Variants in PACRG observed in about 807,000 individuals in gnomAD.
PACRG encodes the protein parkin coregulated gene protein.
In PACRG, 29 loss-of-function variants were observed where a neutral mutation model predicts 29.7. That is an observed-to-expected ratio of 0.98 (90% CI 0.73 to 1.33). PACRG has a LOEUF of 1.33. Ranked by LOEUF, PACRG falls within the 40% of genes most tolerant of loss-of-function variation. PACRG has a pLI of 0.00. For missense variants in PACRG, 279 were observed against 316.2 expected, an observed-to-expected ratio of 0.88 and a Z score of 0.89; for synonymous variants, 116 against 118.7, an observed-to-expected ratio of 0.98 and a Z score of 0.15.
At chr6:163,225,808 C>T (rs1208472231) in intron 4 of PACRG, among the ~76,000 whole-genome samples, 3 of 152,168 alleles carry the variant, frequency 2.0e-5, no homozygotes, top group African/African-American at 4.8e-5. Context: ...TGGAATCAAC[C>T]TAAGTGTCCA....
chr6:162,756,593 T>G (rs78111578), intron 1 of PACRG, among the ~76,000 whole-genome samples: 1,657 of 152,252 alleles, frequency 0.011, 34 homozygotes, highest in African/African-American at 0.038. Flanking sequence ...TTTAAAAATT[T>G]ATTTAGATTC....
intron 2 of PACRG, among the ~76,000 whole-genome samples, chr6:162,869,324 G>A (rs1792596639): frequency 6.6e-6 from 1 of 152,090 alleles, no homozygotes; most frequent in African/African-American, 2.4e-5. Flanking sequence ...GTCTGCAAAA[G>A]GCTGAAATTT....
chr6:163,058,758 G>A (rs1810825189), intron 2 of PACRG, among the ~76,000 whole-genome samples: 1 of 152,172 alleles, frequency 6.6e-6, no homozygotes, highest in African/African-American at 2.4e-5. Context: ...AATTTAGCCA[G>A]GCGTGGTGGC....
intron 2 of PACRG, among the ~76,000 whole-genome samples, chr6:162,954,974 GC>G: frequency 6.6e-6 from 1 of 152,158 alleles, no homozygotes. Flanking sequence ...CAAACCAGTT[GC>G]AGACCAACAG....
intron 4 of PACRG, among the ~76,000 whole-genome samples, chr6:163,114,155 C>T (rs1193717782): frequency 2.6e-5 from 4 of 152,138 alleles, no homozygotes; most frequent in Non-Finnish European, 5.9e-5. Flanking sequence ...GTGGCTGAGG[C>T]ACAAGAATTG....
chr6:162,917,954 C>T (rs1291533111), intron 2 of PACRG, among the ~76,000 whole-genome samples: 1 of 152,152 alleles, frequency 6.6e-6, no homozygotes, highest in Admixed American at 6.5e-5. Context: ...AATGTGTTTA[C>T]AAGGTGCAAA....
chr6:162,764,003 T>C (rs1782583478), intron 1 of PACRG, among the ~76,000 whole-genome samples: 1 of 152,176 alleles, frequency 6.6e-6, no homozygotes, highest in Non-Finnish European at 1.5e-5. Context: ...AGGCCCGGCA[T>C]GGTGGCTCAC....
intron 4 of PACRG, among the ~76,000 whole-genome samples, chr6:163,118,945 A>G (rs919612111): frequency 6.6e-6 from 1 of 152,232 alleles, no homozygotes; most frequent in African/African-American, 2.4e-5. Flanking sequence ...GATATTTTCA[A>G]TGACCCATTC....
chr6:163,310,177 A>G (rs1319976559), intron 4 of PACRG: 1 of 152,324 alleles, frequency 6.6e-6, no homozygotes, highest in East Asian at 1.9e-4. Context: ...TGAGCCTCGC[A>G]GTGGCCGTCA....
chr6:163,291,216 GTCCCCTCTGCCCGCC>G (rs1784593017), intron 4 of PACRG, among the ~76,000 whole-genome samples: 5 of 130,516 alleles, frequency 3.8e-5, no homozygotes, highest in Admixed American at 7.4e-5. Context: ...CCTGCAAGAT[GTCCCCTCTGCCCGCC>G]AGAGCTGGCC....
chr6:163,048,536 G>A (rs1025102403), intron 2 of PACRG, among the ~76,000 whole-genome samples: 11 of 152,022 alleles, frequency 7.2e-5, no homozygotes, highest in Non-Finnish European at 1.2e-4. Flanking sequence ...AGGTTATGTC[G>A]GCCTCGGTGA....
At chr6:163,061,268 T>C (rs941876985) in intron 2 of PACRG, among the ~76,000 whole-genome samples, 1 of 152,188 alleles carries the variant, frequency 6.6e-6, no homozygotes, top group African/African-American at 2.4e-5. Flanking sequence ...CTCTGCCGCC[T>C]TGCTGGCAGT....
intron 2 of PACRG, among the ~76,000 whole-genome samples, chr6:162,935,886 G>T (rs1424236195): frequency 6.6e-6 from 1 of 152,082 alleles, no homozygotes; most frequent in East Asian, 1.9e-4. Context: ...AAAGACTACT[G>T]GGAGCAAAAT....
chr6:162,921,411 G>A lies in PACRG; in HGVS notation c.291+107130G>A, dbSNP rs191721302. ...CCTCACTATATCCTTATCCATCTTG[G>A]TTTCCTCCGGAGGCTGTCTGATTTG... On this transcript the variant is annotated intron_variant, in intron 2 of 4. Transcript: ENST00000366888. Among the ~76,000 whole-genome samples the A allele has an allele frequency of 8.5e-5, 13 of 152,274 alleles. No homozygotes were observed. The East Asian group carries it at 1.7e-3, about 20-fold the overall frequency.
intron 4 of PACRG, among the ~76,000 whole-genome samples, chr6:163,108,334 A>C (rs564010533): frequency 5.1e-4 from 76 of 149,762 alleles, no homozygotes; most frequent in African/African-American, 1.8e-3. Flanking sequence ...AGGCCTCCCC[A>C]GCCATGCTTC....
At chr6:162,834,313 T>C (rs1386720195) in intron 2 of PACRG, among the ~76,000 whole-genome samples, 1 of 152,140 alleles carries the variant, frequency 6.6e-6, no homozygotes, top group Non-Finnish European at 1.5e-5. Flanking sequence ...GACATTAAAA[T>C]ATCAGGGTAA....
At chr6:162,982,195 T>C (rs1409934702) in intron 2 of PACRG, among the ~76,000 whole-genome samples, 1 of 152,068 alleles carries the variant, frequency 6.6e-6, no homozygotes, top group Admixed American at 6.6e-5. Context: ...CTTTTCTTCT[T>C]GGTTAACCTT....
chr6:163,209,669 A>G (rs943846886), intron 4 of PACRG, among the ~76,000 whole-genome samples: 1 of 152,224 alleles, frequency 6.6e-6, no homozygotes, highest in Non-Finnish European at 1.5e-5. Flanking sequence ...TGCATGAAAT[A>G]AGCATACATC....
intron 2 of PACRG, among the ~76,000 whole-genome samples, chr6:163,043,534 A>G (rs1164469165): frequency 6.6e-6 from 1 of 152,140 alleles, no homozygotes; most frequent in Admixed American, 6.5e-5. Context: ...CCTGGGTGAC[A>G]GAGCAAGACT....
Sources: gnomAD v4.1 joint callset for allele counts (sites outside exome capture counted in the v4.1 genomes callset) on GRCh38, gnomAD v4.1.1 for gene constraint, MANE v1.5 for transcripts, NCBI Gene and HGNC (gene_info 2026-07-23, HGNC 2026-07-21) for gene names.